The following RARB variants were observed in gnomAD, a reference collection of about 807,000 sequenced individuals.
RARB encodes retinoic acid receptor beta.
RARB carries 17 observed loss-of-function variants against 51.9 expected under a neutral mutation model. The ratio of observed to expected loss-of-function variants is 0.33; its 90% CI spans 0.22 to 0.49. The LOEUF (loss-of-function observed/expected upper bound fraction) is 0.49. RARB is among the 20% of genes least tolerant of loss of function. The pLI is 0.99. For missense variants in RARB, 369 were observed against 550.8 expected, an observed-to-expected ratio of 0.67 and a Z score of 3.30; for synonymous variants, 215 against 195.4, an observed-to-expected ratio of 1.10 and a Z score of -0.84.
intron 5 of RARB, among the ~76,000 whole-genome samples, chr3:25,236,225 G>C (rs1480091607): frequency 1.3e-5 from 2 of 152,110 alleles, no homozygotes; most frequent in African/African-American, 4.8e-5. Context: ...CAAGAACAAT[G>C]CTAATTGCAA....
At chr3:25,165,475 A>G (rs762876689) in intron 4 of RARB, among the ~76,000 whole-genome samples, 2 of 152,196 alleles carry the variant, frequency 1.3e-5, no homozygotes, top group South Asian at 2.1e-4. Context: ...ACTGCTTCCA[A>G]GCTCTCTCTC....
At chr3:24,863,041 G>T (rs1702783456) in intron 2 of RARB, among the ~76,000 whole-genome samples, 2 of 152,124 alleles carry the variant, frequency 1.3e-5, no homozygotes, top group Non-Finnish European at 2.9e-5. Flanking sequence ...AGGCAGAGAT[G>T]GCCAGAAAGG....
intron 2 of RARB, among the ~76,000 whole-genome samples, chr3:24,947,322 C>G (rs1211149079): frequency 6.6e-6 from 1 of 152,212 alleles, no homozygotes; most frequent in East Asian, 1.9e-4. Flanking sequence ...TTTACCAATC[C>G]TATCGTGTTA....
chr3:24,946,820 T>G (rs4414811), intron 2 of RARB, among the ~76,000 whole-genome samples: 9,178 of 152,076 alleles, frequency 0.06, 491 homozygotes, highest in African/African-American at 0.14. Flanking sequence ...AGCAATGACA[T>G]TGCTCCTGCA....
chr3:25,390,605 G>T (rs1294836361), intron 5 of RARB, among the ~76,000 whole-genome samples: 3 of 152,088 alleles, frequency 2.0e-5, no homozygotes, highest in Non-Finnish European at 4.4e-5. Context: ...TAATAGTACA[G>T]GTTTTTAAAT....
At chr3:25,348,713 G>A (rs993714883) in intron 5 of RARB, among the ~76,000 whole-genome samples, 7 of 152,146 alleles carry the variant, frequency 4.6e-5, no homozygotes, top group African/African-American at 1.4e-4. Context: ...AAATCTTAAC[G>A]TTTTTTCTAA....
At chr3:25,531,372 GTAGATAGATAGA>G (rs1239202273) in intron 3 of RARB, among the ~76,000 whole-genome samples, 1 of 131,530 alleles carries the variant, frequency 7.6e-6, no homozygotes, top group East Asian at 2.3e-4. Context: ...AGATAGATAG[GTAGATAGATAGA>G]TAGGTAGATA....
intron 2 of RARB, among the ~76,000 whole-genome samples, chr3:24,879,977 C>G (rs10865799): frequency 6.9e-6 from 1 of 144,610 alleles, no homozygotes; most frequent in African/African-American, 2.6e-5. Context: ...TACAAAGTCA[C>G]GAAAACTGAA....
intron 2 of RARB, among the ~76,000 whole-genome samples, chr3:25,014,690 GT>G (rs1697470462): frequency 6.6e-6 from 1 of 152,068 alleles, no homozygotes; most frequent in South Asian, 2.1e-4. Context: ...TGGTGGGATA[GT>G]TTTCTATCCA....
intron 5 of RARB, among the ~76,000 whole-genome samples, chr3:25,205,187 A>C (rs1559504713): frequency 6.6e-6 from 1 of 152,068 alleles, no homozygotes; most frequent in Non-Finnish European, 1.5e-5. Flanking sequence ...CTGTGCTAGC[A>C]ATGAGCGAGG....
chr3:25,042,351 C>G (rs151311903), intron 2 of RARB, among the ~76,000 whole-genome samples: 11 of 152,290 alleles, frequency 7.2e-5, no homozygotes, highest in African/African-American at 2.6e-4. Context: ...TGTAGATTAA[C>G]TTCTGAAACT....
At chr3:24,989,569 A>G (rs1696866899) in intron 2 of RARB, among the ~76,000 whole-genome samples, 1 of 107,724 alleles carries the variant, frequency 9.3e-6, no homozygotes, top group Non-Finnish European at 1.9e-5. Context: ...GATGTTTAAT[A>G]TATATTTTTC....
At chr3:25,107,102 T>C (rs1423417622) in intron 3 of RARB, among the ~76,000 whole-genome samples, 1 of 152,170 alleles carries the variant, frequency 6.6e-6, no homozygotes, top group Non-Finnish European at 1.5e-5. Context: ...AGTTTCACCA[T>C]GTTGACCAGG....
chr3:24,951,883 G>A (rs1209097191), intron 2 of RARB, among the ~76,000 whole-genome samples: 1 of 152,112 alleles, frequency 6.6e-6, no homozygotes, highest in East Asian at 1.9e-4. Context: ...TTTTCTTCTG[G>A]AGAATAGTTT....
At chr3:25,065,504 G>T (rs190847804) in intron 3 of RARB, among the ~76,000 whole-genome samples, 1 of 152,258 alleles carries the variant, frequency 6.6e-6, no homozygotes, top group African/African-American at 2.4e-5. Flanking sequence ...CACTGTAAAA[G>T]TATTTTCACT....
At chr3:25,068,989 G>A (rs1698717965) in intron 3 of RARB, among the ~76,000 whole-genome samples, 1 of 151,180 alleles carries the variant, frequency 6.6e-6, no homozygotes, top group Non-Finnish European at 1.5e-5. Context: ...CCCAGTTCAG[G>A]GCAGGGAGAC....
intron 3 of RARB, among the ~76,000 whole-genome samples, chr3:25,095,486 A>T (rs1453092985): frequency 2.0e-5 from 3 of 152,316 alleles, no homozygotes; most frequent in East Asian, 3.9e-4. Context: ...ATTCCGATGC[A>T]AGCCAACCCC....
intron 2 of RARB, among the ~76,000 whole-genome samples, chr3:24,864,749 T>A (rs959286577): frequency 6.6e-6 from 1 of 152,166 alleles, no homozygotes; most frequent in Non-Finnish European, 1.5e-5. Flanking sequence ...AAAAAGATCA[T>A]GTTGCCTGCA....
chr3:25,558,564 C>G (rs1700149501), intron 3 of RARB, among the ~76,000 whole-genome samples: 2 of 147,522 alleles, frequency 1.4e-5, no homozygotes, highest in Admixed American at 1.4e-4. Context: ...TCCTCTCTCT[C>G]ACCTTAGATT....
Sources: gnomAD v4.1 joint callset for allele counts (sites outside exome capture counted in the v4.1 genomes callset) on GRCh38, gnomAD v4.1.1 for gene constraint, MANE v1.5 for transcripts, NCBI Gene and HGNC (gene_info 2026-07-23, HGNC 2026-07-21) for gene names.